The following CCDC91 variants were observed in gnomAD, a reference collection of about 807,000 sequenced individuals.
CCDC91 encodes the protein coiled-coil domain-containing protein 91.
In CCDC91, 48 loss-of-function variants were observed where a neutral mutation model predicts 63.2. That is an observed-to-expected ratio of 0.76 (90% CI 0.60 to 0.97). The LOEUF (loss-of-function observed/expected upper bound fraction) is 0.97, where lower values mean the gene tolerates loss of function less well. Ranked by LOEUF, CCDC91 falls within the 50% of genes least tolerant of loss-of-function variation. The pLI is 0.00. For synonymous variants in CCDC91, 167 were observed against 165.8 expected, an observed-to-expected ratio of 1.01 and a Z score of -0.06; for missense variants, 500 against 494.6, an observed-to-expected ratio of 1.01 and a Z score of -0.10.
intron 8 of CCDC91, among the ~76,000 whole-genome samples, chr12:28,405,137 G>T (rs1351433698): frequency 6.6e-6 from 1 of 151,562 alleles, no homozygotes; most frequent in Non-Finnish European, 1.5e-5. Context: ...AAAATTTTAT[G>T]ATTTAATTTT....
intron 6 of CCDC91, among the ~76,000 whole-genome samples, chr12:28,361,577 T>C (rs1444996985): frequency 1.0e-5 from 1 of 98,582 alleles, no homozygotes; most frequent in East Asian, 2.1e-4. Flanking sequence ...GTAGTCTTTA[T>C]TTTTTTTCAC....
chr12:28,438,331 C>G (rs372378554), intron 8 of CCDC91, among the ~76,000 whole-genome samples: 1 of 152,076 alleles, frequency 6.6e-6, no homozygotes, highest in Non-Finnish European at 1.5e-5. Flanking sequence ...AAGTTTGGCT[C>G]TTCTACCATG....
chr12:28,280,816 A>T (rs1184358937), intron 3 of CCDC91, among the ~76,000 whole-genome samples: 1 of 43,370 alleles, frequency 2.3e-5, no homozygotes, highest in African/African-American at 6.5e-5. Flanking sequence ...GCGTTTCTTT[A>T]AAAAAAAAAA....
At chr12:28,284,951 T>C (rs558788829) in intron 3 of CCDC91, among the ~76,000 whole-genome samples, 91 of 152,334 alleles carry the variant, frequency 6.0e-4, no homozygotes, top group African/African-American at 2.2e-3. Flanking sequence ...TCTCTTTGTA[T>C]GAACTCAACG....
chr12:28,404,465 A>T (rs1387793831), intron 8 of CCDC91, among the ~76,000 whole-genome samples: 1 of 152,070 alleles, frequency 6.6e-6, no homozygotes, highest in Non-Finnish European at 1.5e-5. Flanking sequence ...AAGAATGCAT[A>T]TTCTGCTATT....
At chr12:28,388,809 G>C (rs1168992712) in intron 7 of CCDC91, among the ~76,000 whole-genome samples, 1 of 152,098 alleles carries the variant, frequency 6.6e-6, no homozygotes, top group Non-Finnish European at 1.5e-5. Context: ...GCCACATCTA[G>C]GAGATTGAAA....
chr12:28,542,438 A>G (rs1942695475), intron 12 of CCDC91, among the ~76,000 whole-genome samples: 1 of 152,066 alleles, frequency 6.6e-6, no homozygotes, highest in South Asian at 2.1e-4. Context: ...CTATCTAAAT[A>G]GATAGATGTG....
intron 12 of CCDC91, among the ~76,000 whole-genome samples, chr12:28,548,134 G>A (rs1943111465): frequency 6.6e-6 from 1 of 151,978 alleles, no homozygotes; most frequent in South Asian, 2.1e-4. Flanking sequence ...TAATCCAAAT[G>A]ATTTCCCTTA....
intron 1 of CCDC91, 131 bp downstream of exon 1, chr12:28,190,772 C>T (rs1296135931): frequency 2.0e-5 from 3 of 152,246 alleles, no homozygotes; most frequent in African/African-American, 4.8e-5. Flanking sequence ...TGCGGCCTCG[C>T]CCTTGGCTGT....
intron 12 of CCDC91, among the ~76,000 whole-genome samples, chr12:28,516,667 G>A (rs1469107896): frequency 2.0e-5 from 3 of 151,878 alleles, no homozygotes; most frequent in African/African-American, 7.2e-5. Flanking sequence ...TGGTGAGGAA[G>A]TTCAGGTCAA....
chr12:28,273,549 G>T (rs1374633515), intron 3 of CCDC91, among the ~76,000 whole-genome samples: 1 of 151,922 alleles, frequency 6.6e-6, no homozygotes, highest in South Asian at 2.1e-4. Flanking sequence ...GTGTGAGATG[G>T]TATCTCATTA....
At chr12:28,391,278 C>T (rs763327097) in intron 7 of CCDC91, 26 bp from the exon 8 acceptor site, 1 of 1,443,194 alleles carries the variant, frequency 6.9e-7, no homozygotes, top group East Asian at 2.3e-5. Flanking sequence ...GTCTGTGATC[C>T]AAATGACTTT....
intron 12 of CCDC91, chr12:28,505,581 A>G (rs1938600619): frequency 6.6e-6 from 1 of 151,976 alleles, no homozygotes; most frequent in East Asian, 1.9e-4. Context: ...TTTAAGAAAC[A>G]TGCAGTTACT....
chr12:28,311,158 A>T (rs1295797352), intron 6 of CCDC91, among the ~76,000 whole-genome samples: 1 of 152,016 alleles, frequency 6.6e-6, no homozygotes, highest in Non-Finnish European at 1.5e-5. Context: ...CACCCTGGGT[A>T]GGAGGGATAC....
chr12:28,396,059 G>A (rs1946267435), intron 8 of CCDC91, among the ~76,000 whole-genome samples: 1 of 152,116 alleles, frequency 6.6e-6, no homozygotes, highest in Admixed American at 6.5e-5. Flanking sequence ...TATAAGTTAG[G>A]ATGGAATAAA....
intron 11 of CCDC91, among the ~76,000 whole-genome samples, chr12:28,477,129 G>A (rs1951143771): frequency 1.3e-5 from 2 of 152,240 alleles, no homozygotes; most frequent in African/African-American, 2.4e-5. Context: ...TATGAGGCCA[G>A]CATCATCCTC....
At chr12:28,453,283 T>TTA (rs927638350) in intron 11 of CCDC91, among the ~76,000 whole-genome samples, 8 of 151,748 alleles carry the variant, frequency 5.3e-5, no homozygotes, top group Non-Finnish European at 1.0e-4. Context: ...ATTAGTCTTT[T>TTA]TATATATATA....
chr12:28,331,554 T>G (rs576559695), intron 6 of CCDC91, among the ~76,000 whole-genome samples: 1 of 152,228 alleles, frequency 6.6e-6, no homozygotes, highest in African/African-American at 2.4e-5. Flanking sequence ...TAAGATATTA[T>G]GGGACAATAG....
chr12:28,214,624 T>G (rs558379361), intron 1 of CCDC91, among the ~76,000 whole-genome samples: 2 of 152,132 alleles, frequency 1.3e-5, no homozygotes, highest in Non-Finnish European at 2.9e-5. Context: ...TTTTATTCCC[T>G]TGTCATGTAA....
Sources: allele counts gnomAD v4.1 joint callset (sites outside exome capture counted in the v4.1 genomes callset), GRCh38; gene constraint gnomAD v4.1.1; transcripts MANE v1.5; gene names NCBI Gene and HGNC (gene_info 2026-07-23, HGNC 2026-07-21).